Variants in SLC7A13 observed in about 807,000 individuals in gnomAD.
The protein encoded by SLC7A13 is solute carrier family 7 member 13, also known as X-amino acid transporter 2.
Under a neutral mutation model 32.0 loss-of-function variants are expected in SLC7A13, and 31 were observed. The observed-to-expected ratio is 0.97, with a 90% CI of 0.73 to 1.31. The LOEUF (loss-of-function observed/expected upper bound fraction) is 1.31, where lower values mean the gene tolerates loss of function less well. Ranked by LOEUF, SLC7A13 falls within the 50% of genes most tolerant of loss-of-function variation. The pLI, the probability that SLC7A13 is intolerant of heterozygous loss-of-function variation, is 0.00. For missense variants in SLC7A13, 633 were observed against 546.9 expected (o/e 1.16, Z -1.57); for synonymous variants, 232 against 206.9 (o/e 1.12, Z -1.04).
At chr8:86,216,003 C>T (rs775127122) in intron 3 of SLC7A13, among the ~76,000 whole-genome samples, 8 of 152,104 alleles carry the variant, frequency 5.3e-5, no homozygotes, top group Non-Finnish European at 8.8e-5. Context: ...ATTATTTTTT[C>T]CCATTTTAGA....
In SLC7A13 at chr8:86,214,416, T is replaced by C; in HGVS notation, c.1410A>G (p.Glu470=). Residue 470 remains glutamate, a synonymous_variant, in exon 4 of 4, where the codon GAA becomes GAG. Coordinates refer to ENST00000297524, the MANE Select transcript of SLC7A13 (RefSeq NM_138817.3). ...FNICLPDVSE[E] is the part of the protein sequence containing the mutation. ...TAAGAGTTTGCACTTCCGACATCTA[T>C]TCCTCAGACACATCAGGGAGGCAAA... 1.3e-6 allele frequency: 2 copies of C among 1,590,916 alleles called. No individual in the cohort carries two copies. Among genetic ancestry groups the C allele is most frequent in the Non-Finnish European group, 1.7e-6 (2 of 1,166,790 alleles).
chr8:86,225,953 C>T (rs892554591), intron 1 of SLC7A13, among the ~76,000 whole-genome samples: 7 of 152,018 alleles, frequency 4.6e-5, no homozygotes, highest in Admixed American at 1.3e-4. Context: ...GGTATTCCTA[C>T]ACCTTGCAAA....
chr8:86,215,513 C>G (rs1366856980), intron 3 of SLC7A13: 2 of 295,206 alleles, frequency 6.8e-6, no homozygotes, highest in African/African-American at 2.3e-5. Context: ...TGGTGAAACA[C>G]CGTCTCTACT....
At chr8:86,221,357 T>G (rs1277043603) in intron 2 of SLC7A13, among the ~76,000 whole-genome samples, 18 of 152,212 alleles carry the variant, frequency 1.2e-4, no homozygotes, top group Non-Finnish European at 2.5e-4. Flanking sequence ...CATAAAGCTA[T>G]GATTACTATA....
chr8:86,222,195 C>T (rs1055260169), intron 2 of SLC7A13, among the ~76,000 whole-genome samples: 1 of 152,084 alleles, frequency 6.6e-6, no homozygotes, highest in Admixed American at 6.6e-5. Context: ...ATTCACCAAA[C>T]CAATAATAGC....
At chr8:86,225,318 G>A (rs539770992) in intron 1 of SLC7A13, among the ~76,000 whole-genome samples, 11 of 152,138 alleles carry the variant, frequency 7.2e-5, no homozygotes, top group Middle Eastern at 3.4e-3. Flanking sequence ...AACCCTGCCC[G>A]CACCACTTTG....
intron 3 of SLC7A13, among the ~76,000 whole-genome samples, chr8:86,215,114 T>TA (rs753030284): frequency 2.6e-3 from 395 of 150,178 alleles, no homozygotes; most frequent in African/African-American, 3.6e-3. Context: ...CTCAGCATAT[T>TA]AAAAAAAAAA....
Position 86,227,367 on chromosome 8 carries a change from A to G in SLC7A13, c.685+2226T>C, listed in dbSNP as rs186651017. ...GAAAAAATGAAATAAAAGAATGTGA[A>G]AAGTCCTTAAGGGGATGGGAGGGAA... On this transcript the variant is annotated intron_variant, in intron 1 of 3. Coordinates refer to ENST00000297524, the MANE Select transcript of SLC7A13 (RefSeq NM_138817.3). Among the ~76,000 whole-genome samples, 117 of 152,290 alleles carry G rather than the reference A, an allele frequency of 7.7e-4. 1 individual carries two copies. Among genetic ancestry groups the G allele is most frequent in the South Asian group, 7.0e-3 (34 of 4,826 alleles).
rs537852808 is a variant in SLC7A13 at position 86,217,264 on chromosome 8, G to A, written c.1179+206C>T. 7.2e-5 allele frequency among the ~76,000 whole-genome samples: 11 copies of A among 152,058 alleles called. No individual in the cohort carries two copies. In the East Asian group the frequency reaches 9.7e-4, roughly 13 times the overall value. On this transcript the variant is annotated intron_variant, in intron 3 of 3. Transcript: ENST00000297524. Reference sequence around the variant, plus strand: ...GAACTATTTTTCTCTCTAATAAACCGTTAAATGGAATCTAAGAGATTTTTA... The same window carrying A: ...GAACTATTTTTCTCTCTAATAAACCATTAAATGGAATCTAAGAGATTTTTA...
Position 86,214,302 on chromosome 8 carries a change from T to C in SLC7A13, c.*111A>G, listed in dbSNP as rs1820139922. 1.5e-6 allele frequency: 1 copy of C among 675,126 alleles called. No homozygotes were observed. Among genetic ancestry groups the C allele is most frequent in the African/African-American group, 1.8e-5 (1 of 55,120 alleles). 41.8% of individuals were successfully genotyped at this position (675,126 alleles called of 1,614,324 possible). A position where few individuals can be genotyped will look rare whatever the true frequency, so the allele number is the denominator to read the frequency against. ...ACTTATTTCATTTGAGAAAAAAATA[T>C]TTACCATAGGAATTTCACCATGAAT... On this transcript the variant is annotated 3_prime_UTR_variant, in exon 4 of 4. Transcript: ENST00000297524.
intron 2 of SLC7A13, among the ~76,000 whole-genome samples, chr8:86,221,453 A>G (rs1820295118): frequency 6.6e-6 from 1 of 152,190 alleles, no homozygotes; most frequent in Non-Finnish European, 1.5e-5. Context: ...TTGGACTTAA[A>G]AAGATTAATT....
chr8:86,230,045 C>G lies in SLC7A13; in HGVS notation c.233G>C (p.Gly78Ala). The stretch of plus-strand genomic sequence containing the variant: ...TCTCTTGAGAAAATAGTATTGAGCT[C>G]CACTGCATGGGAAGCTTATACTTAT... Reference protein sequence around the residue: ...AEISISFPCSGAQYYFLKRYF... With the variant: ...AEISISFPCSAAQYYFLKRYF... Residue 78 changes from glycine (G) to alanine (A), a missense_variant, in exon 1 of 4, where the codon GGA (glycine) becomes GCA (alanine). By Grantham distance (60) the Gly-to-Ala change is moderately conservative. Transcript: ENST00000297524. 1 of 1,614,128 alleles carries G rather than the reference C, an allele frequency of 6.2e-7. No individual in the cohort carries two copies. The highest frequency in any genetic ancestry group is 8.5e-7 in the Non-Finnish European group (1 of 1,180,020).
At chr8:86,216,392 G>A (rs1820182754) in intron 3 of SLC7A13, among the ~76,000 whole-genome samples, 1 of 152,090 alleles carries the variant, frequency 6.6e-6, no homozygotes, top group South Asian at 2.1e-4. Context: ...GTGATTTTTG[G>A]TTTACATGAC....
rs763534888 is a variant in SLC7A13, at chr8:86,217,533, T to C, written c.1116A>G (p.Ile372Met). The C allele has an allele frequency of 8.7e-6, 14 of 1,610,274 alleles. No homozygotes were observed. In the East Asian group the frequency reaches 2.5e-4, roughly 28 times the overall value. The stretch of plus-strand genomic sequence containing the variant: ...GCCTTAGTATTCCTATCATTAATAA[T>C]ATAGACCATAATGAACCCGTGAAAA... Reference protein sequence around the residue: ...YIFFTGSLWSILLMIGILRRR... With the variant: ...YIFFTGSLWSMLLMIGILRRR... Residue 372 changes from isoleucine to methionine, a missense_variant, in exon 3 of 4, where the codon ATA (isoleucine) becomes ATG (methionine). Physicochemically the swap from Ile to Met is conservative, Grantham distance 10. Transcript: ENST00000297524.
At chr8:86,225,367 G>A (rs994458541) in intron 1 of SLC7A13, among the ~76,000 whole-genome samples, 2 of 152,094 alleles carry the variant, frequency 1.3e-5, no homozygotes, top group African/African-American at 4.8e-5. Context: ...GAAAACTGTA[G>A]GGACAACAAA....
chr8:86,219,470 A>G (rs1333147672), intron 2 of SLC7A13, among the ~76,000 whole-genome samples: 1 of 152,158 alleles, frequency 6.6e-6, no homozygotes, highest in Non-Finnish European at 1.5e-5. Context: ...TTTTAGGTGA[A>G]AAGTAAAATA....
At position 86,229,766 on chromosome 8, in the gene SLC7A13, A is replaced by G. The variant is rs200414005; in HGVS notation, c.512T>C (p.Leu171Pro). The part of the protein sequence containing the change: ...IASSVLKVSI[L>P]SFISLTGVVF... ...TACTCCAGTTAGGGAAATGAAGCTA[A>G]GTATGGACACTTTCAGCACTGAGCT... Residue 171 changes from leucine to proline, a missense_variant, in exon 1 of 4, where the codon CTT becomes CCT. Leu to Pro is a moderately conservative substitution (Grantham distance 98). Transcript: ENST00000297524. 72 of 1,614,236 alleles carry G rather than the reference A, an allele frequency of 4.5e-5. No individual in the cohort carries two copies. The highest frequency in any genetic ancestry group is 1.2e-4 in the African/African-American group (9 of 75,074).
In SLC7A13 at chr8:86,214,297, A is replaced by T. The variant is rs1820139737; in HGVS notation, c.*116T>A. The T allele has an allele frequency of 3.0e-6, 2 of 670,304 alleles. No individual in the cohort carries two copies. Among genetic ancestry groups the T allele is most frequent in the Non-Finnish European group, 4.9e-6 (2 of 405,998 alleles). The allele number at this position is 670,304 out of a possible 1,614,324, so 41.5% of individuals were successfully genotyped here. A position where few individuals can be genotyped will look rare whatever the true frequency, so the allele number is the denominator to read the frequency against. ...ACATTACTTATTTCATTTGAGAAAA[A>T]AATATTTACCATAGGAATTTCACCA... On this transcript the variant is annotated 3_prime_UTR_variant, in exon 4 of 4. Transcript: ENST00000297524.
chr8:86,230,145 T>G lies in SLC7A13; in HGVS notation c.133A>C (p.Asn45His). The G allele has an allele frequency of 1.2e-6, 2 of 1,614,170 alleles. No homozygotes were observed. The highest frequency in any genetic ancestry group is 8.5e-7 in the Non-Finnish European group (1 of 1,180,020). Residue 45 changes from asparagine to histidine, a missense_variant, in exon 1 of 4, where the codon AAC becomes CAC. Physicochemically the swap from Asn to His is moderately conservative, Grantham distance 68 (BLOSUM62 1). Coordinates refer to ENST00000297524, the MANE Select transcript of SLC7A13 (RefSeq NM_138817.3). ...PKGVLAYSCM[N>H]VGVSLCVWAG... is the part of the protein sequence containing the mutation. ...CAAACGCACAGGGAGACTCCCACGT[T>G]CATGCAAGAGTATGCCAACACACCT...
Sources: allele counts gnomAD v4.1 joint callset (sites outside exome capture counted in the v4.1 genomes callset), GRCh38; gene constraint gnomAD v4.1.1; transcripts MANE v1.5; gene names NCBI Gene and HGNC (gene_info 2026-07-23, HGNC 2026-07-21).